CHUK: variants seen among roughly 807,000 people sequenced by gnomAD.
The protein encoded by CHUK is component of inhibitor of nuclear factor kappa B kinase complex, also known as inhibitor of nuclear factor kappa-B kinase subunit alpha.
Under a neutral mutation model 104.8 loss-of-function variants are expected in CHUK, and 35 were observed. That is an observed-to-expected ratio of 0.33 (90% CI 0.26 to 0.44). CHUK has a LOEUF of 0.44. CHUK is among the 20% of genes least tolerant of loss of function. CHUK has a pLI of 1.00. For synonymous variants in CHUK, 276 were observed against 291.9 expected (o/e 0.95, Z 0.56); for missense variants, 663 against 902.7 (o/e 0.73, Z 3.40).
chr10:100,224,059 G>A (rs34027394), intron 2 of CHUK, among the ~76,000 whole-genome samples: 45,220 of 151,626 alleles, frequency 0.3, 8,164 homozygotes, highest in Non-Finnish European at 0.43. Context: ...TAAAAGATAC[G>A]TCGGTTTTCA....
intron 16 of CHUK, among the ~76,000 whole-genome samples, chr10:100,196,602 T>C (rs1340403105): frequency 1.3e-5 from 2 of 152,140 alleles, no homozygotes. Context: ...GGTCTCACTA[T>C]GTTGCCCAGA....
intron 1 of CHUK, among the ~76,000 whole-genome samples, chr10:100,228,978 C>A (rs1319133484): frequency 8.2e-6 from 1 of 122,346 alleles, no homozygotes; most frequent in Admixed American, 8.7e-5. Context: ...GGCCTCCAAG[C>A]GCGCGCGCGC....
At chr10:100,214,412 A>G (rs561008056) in intron 9 of CHUK, among the ~76,000 whole-genome samples, 23 of 152,288 alleles carry the variant, frequency 1.5e-4, no homozygotes, top group African/African-American at 4.6e-4. Context: ...GCAAAATGTG[A>G]TAGGTGTTAT....
In CHUK at chr10:100,189,227, T is replaced by TA. The variant is rs1845138756; in HGVS notation, c.*370dup. 5.4e-6 allele frequency: 1 copy of TA among 185,554 alleles called. No individual in the cohort carries two copies. Among genetic ancestry groups the TA allele is most frequent in the South Asian group, 1.3e-4 (1 of 7,766 alleles). 11.5% of individuals were successfully genotyped at this position (185,554 alleles called of 1,614,324 possible). A position where few individuals can be genotyped will look rare whatever the true frequency, so the allele number is the denominator to read the frequency against. Reference sequence around the variant, plus strand: ...CTGTATACAAAACTACATTTGGTCTTACGCCCAAAAGTTAAAAGTTGACAC... The same window carrying TA: ...CTGTATACAAAACTACATTTGGTCTTAACGCCCAAAAGTTAAAAGTTGACAC... On this transcript the variant is annotated 3_prime_UTR_variant, in exon 21 of 21. Coordinates refer to ENST00000370397, the MANE Select transcript of CHUK (RefSeq NM_001278.5).
At chr10:100,210,090 T>A (rs904892753) in intron 9 of CHUK, among the ~76,000 whole-genome samples, 2 of 107,780 alleles carry the variant, frequency 1.9e-5, no homozygotes, top group Admixed American at 1.8e-4. Context: ...TTTATTTATT[T>A]ATTTTTTTTT....
At position 100,188,812 on chromosome 10, in the gene CHUK, A is replaced by C. The variant is rs925802500; in HGVS notation, c.*786T>G. On this transcript the variant is annotated 3_prime_UTR_variant, in exon 21 of 21. Coordinates refer to ENST00000370397, the MANE Select transcript of CHUK (RefSeq NM_001278.5). ...CCTTTATAAATTTGTATGACAAGAC[A>C]TGAAAGATTGTTTAAACAAATGACT... is the stretch of plus-strand genomic sequence containing the variant. 6.6e-6 allele frequency: 1 copy of C among 152,240 alleles called. No homozygotes were observed. The highest frequency in any genetic ancestry group is 6.5e-5 in the Admixed American group (1 of 15,292). The allele number at this position is 152,240 out of a possible 1,614,324, so 9.4% of individuals were successfully genotyped here.
intron 16 of CHUK, among the ~76,000 whole-genome samples, chr10:100,199,725 CT>C (rs1845419505): frequency 6.6e-6 from 1 of 152,118 alleles, no homozygotes; most frequent in South Asian, 2.1e-4. Flanking sequence ...GTCTTCCATT[CT>C]TTCTTTTCAC....
At chr10:100,191,045 G>T in intron 19 of CHUK, 77 bp from the exon 20 acceptor site, 1 of 894,928 alleles carries the variant, frequency 1.1e-6, no homozygotes, top group Non-Finnish European at 1.9e-6. Context: ...TAGTCTTCTA[G>T]GTTAGCAAGA....
intron 10 of CHUK, among the ~76,000 whole-genome samples, chr10:100,208,703 T>C (rs1438640281): frequency 6.7e-6 from 1 of 149,816 alleles, no homozygotes; most frequent in Non-Finnish European, 1.5e-5. Flanking sequence ...GGAGAATCAC[T>C]TGAACCCAGG....
At chr10:100,204,477 C>A in intron 13 of CHUK, 29 bp downstream of exon 13, 2 of 1,601,856 alleles carry the variant, frequency 1.2e-6, no homozygotes, top group Non-Finnish European at 1.7e-6. Context: ...ACCAGATGCT[C>A]CTTTCAAATA....
chr10:100,193,762 G>A, intron 18 of CHUK: 1 of 606,338 alleles, frequency 1.6e-6, no homozygotes, highest in Non-Finnish European at 2.9e-6. Flanking sequence ...CAGTAGTCAA[G>A]GGCTAAGAGG....
chr10:100,198,832 A>G (rs948991718), intron 16 of CHUK, among the ~76,000 whole-genome samples: 3 of 152,222 alleles, frequency 2.0e-5, no homozygotes, highest in African/African-American at 7.2e-5. Flanking sequence ...ATCTTTTTTT[A>G]ACATGCATTT....
downstream of CHUK, chr10:100,188,001 G>A (rs904487474): frequency 2.2e-4 from 34 of 152,046 alleles, no homozygotes; most frequent in African/African-American, 8.2e-4. Context: ...TAAAACCAGG[G>A]AAACAAGAGA....
At chr10:100,200,642 C>T in intron 15 of CHUK, 29 bp downstream of exon 15, 1 of 1,031,278 alleles carries the variant, frequency 9.7e-7, no homozygotes, top group Non-Finnish European at 1.5e-6. Context: ...TTACAGATGT[C>T]AAGACCAACA....
At chr10:100,197,115 G>GT (rs2134211047) in intron 16 of CHUK, among the ~76,000 whole-genome samples, 1 of 152,274 alleles carries the variant, frequency 6.6e-6, no homozygotes, top group South Asian at 2.1e-4. Flanking sequence ...AAGCTGTATG[G>GT]TATAGCCTTT....
intron 17 of CHUK, 110 bp from the exon 18 acceptor site, chr10:100,194,241 C>G: frequency 7.7e-7 from 1 of 1,299,010 alleles, no homozygotes; most frequent in South Asian, 1.2e-5. Context: ...GATTTAATGA[C>G]TTATCTCCAA....
At chr10:100,189,705 T>G (rs1202783507) in intron 20 of CHUK, 78 bp from the exon 21 acceptor site, 2 of 1,005,834 alleles carry the variant, frequency 2.0e-6, no homozygotes, top group Non-Finnish European at 3.2e-6. Flanking sequence ...TTTTGCAAGT[T>G]TTCTGTTTGG....
chr10:100,229,303 G>A (rs1846181106), intron 1 of CHUK, 125 bp downstream of exon 1: 1 of 736,770 alleles, frequency 1.4e-6, no homozygotes, highest in Admixed American at 2.0e-5. Flanking sequence ...CAAGCCCACT[G>A]GCCCCCAAAT....
At position 100,204,728 on chromosome 10, in the gene CHUK, T is replaced by C. The variant is rs1456939372; in HGVS notation, c.1356-71A>G. 1.8e-5 allele frequency: 23 copies of C among 1,294,754 alleles called. No individual in the cohort carries two copies. The East Asian group carries it at 4.2e-4, about 24-fold the overall frequency. The allele number at this position is 1,294,754 out of a possible 1,614,324, so 80.2% of individuals were successfully genotyped here. A position where few individuals can be genotyped will look rare whatever the true frequency, so the allele number is the denominator to read the frequency against. ...AGCATTCAGAAACATTGAACAATAA[T>C]GTAAAAACATAAACTGCCACAAGGC... On this transcript the variant is annotated intron_variant, in intron 12 of 20. Coordinates refer to ENST00000370397, the MANE Select transcript of CHUK (RefSeq NM_001278.5).
Sources: allele counts gnomAD v4.1 joint callset (sites outside exome capture counted in the v4.1 genomes callset), GRCh38; gene constraint gnomAD v4.1.1; transcripts MANE v1.5; gene names NCBI Gene and HGNC (gene_info 2026-07-23, HGNC 2026-07-21).